Variants in CCDC77 observed in about 807,000 individuals in gnomAD.
The protein encoded by CCDC77 is coiled-coil domain containing 77, also known as coiled-coil domain-containing protein 77.
CCDC77 carries 56 observed loss-of-function variants against 66.8 expected under a neutral mutation model. The ratio of observed to expected loss-of-function variants is 0.84; its 90% CI spans 0.68 to 1.05. The LOEUF is 1.05. CCDC77 is among the 50% of genes least tolerant of loss of function. The pLI is 0.00. For synonymous variants in CCDC77, 196 were observed against 195.2 expected (o/e 1.00, Z -0.03); for missense variants, 570 against 576.8 (o/e 0.99, Z 0.12).
intron 5 of CCDC77, 107 bp from the exon 6 acceptor site, chr12:428,662 G>GT: frequency 1.6e-6 from 1 of 615,400 alleles, no homozygotes; most frequent in Non-Finnish European, 2.7e-6. Context: ...TTAATTTGGG[G>GT]TTACAATTGT....
At chr12:424,018 G>A (rs866293399) in intron 5 of CCDC77, among the ~76,000 whole-genome samples, 1 of 151,976 alleles carries the variant, frequency 6.6e-6, no homozygotes, top group Non-Finnish European at 1.5e-5. Flanking sequence ...TTGCTCTGTC[G>A]CCCAGGCAGT....
intron 5 of CCDC77, among the ~76,000 whole-genome samples, chr12:426,092 C>T (rs1471262683): frequency 6.6e-6 from 1 of 152,048 alleles, no homozygotes; most frequent in Non-Finnish European, 1.5e-5. Flanking sequence ...CTCGAACTCC[C>T]GACCTCGTGG....
At chr12:441,261 A>T (rs539146118) in intron 12 of CCDC77, among the ~76,000 whole-genome samples, 1 of 152,238 alleles carries the variant, frequency 6.6e-6, no homozygotes, top group African/African-American at 2.4e-5. Context: ...GAAGTAGATT[A>T]AAGAATCGTG....
intron 9 of CCDC77, 143 bp from the exon 10 acceptor site, chr12:438,192 G>C (rs1338470653): frequency 4.8e-6 from 3 of 621,534 alleles, no homozygotes; most frequent in Non-Finnish European, 8.3e-6. Context: ...CCAGTGATCA[G>C]ATTTTTAAAC....
chr12:408,792 G>A (rs1488424239), intron 2 of CCDC77, among the ~76,000 whole-genome samples: 1 of 152,166 alleles, frequency 6.6e-6, no homozygotes, highest in East Asian at 1.9e-4. Flanking sequence ...TTTCTACTTT[G>A]TGTGCTTATC....
At chr12:426,330 G>C (rs1341206056) in intron 5 of CCDC77, among the ~76,000 whole-genome samples, 1 of 152,160 alleles carries the variant, frequency 6.6e-6, no homozygotes, top group Non-Finnish European at 1.5e-5. Flanking sequence ...CCATGTGCCT[G>C]AGACTAAGTA....
chr12:392,781 T>C (rs1944773700), intron 1 of CCDC77, among the ~76,000 whole-genome samples: 1 of 152,232 alleles, frequency 6.6e-6, no homozygotes, highest in African/African-American at 2.4e-5. Flanking sequence ...CCAAAGTTCT[T>C]GTTTATATGC....
intron 4 of CCDC77, among the ~76,000 whole-genome samples, chr12:415,373 TCAACA>T (rs1945217044): frequency 5.7e-5 from 7 of 123,770 alleles, no homozygotes; most frequent in African/African-American, 1.9e-4. Context: ...GTTAATATAA[TCAACA>T]TAATATTATG....
intron 1 of CCDC77, among the ~76,000 whole-genome samples, chr12:393,821 T>TGA (rs1171794459): frequency 6.6e-6 from 1 of 152,172 alleles, no homozygotes; most frequent in African/African-American, 2.4e-5. Flanking sequence ...CGTGAGCCAC[T>TGA]GCGTCCAGCC....
chr12:416,375 G>A (rs867643231), intron 4 of CCDC77, among the ~76,000 whole-genome samples: 2,777 of 19,668 alleles, frequency 0.14, 216 homozygotes, highest in South Asian at 0.25. Context: ...GTGTGTGTGT[G>A]TGTATATATA....
chr12:441,466 G>A (rs1352900762), intron 12 of CCDC77, among the ~76,000 whole-genome samples: 1 of 152,192 alleles, frequency 6.6e-6, no homozygotes, highest in Non-Finnish European at 1.5e-5. Context: ...TACCAGTAGT[G>A]TTGCGCTTTC....
At chr12:397,541 G>A (rs892540328), upstream of CCDC77, among the ~76,000 whole-genome samples, 3 of 151,994 alleles carry the variant, frequency 2.0e-5, no homozygotes, top group African/African-American at 4.8e-5. Flanking sequence ...CGAAATTTTC[G>A]GTTTCCTGGT....
intron 2 of CCDC77, 123 bp downstream of exon 2, chr12:405,687 C>A (rs758936514): frequency 3.9e-5 from 6 of 152,014 alleles, no homozygotes; most frequent in Non-Finnish European, 8.8e-5. Context: ...ATTTTTAAAT[C>A]TAGATTGAAT....
upstream of CCDC77, among the ~76,000 whole-genome samples, chr12:400,730 C>T (rs1384549189): frequency 6.6e-6 from 1 of 152,118 alleles, no homozygotes; most frequent in Non-Finnish European, 1.5e-5. Flanking sequence ...GATAACAGAT[C>T]AGCATAACAT....
rs141825507 is a variant in CCDC77 at position 434,541 on chromosome 12, G to A, written c.821+1219G>A. ...CTAATTTTGTATATTTAGTAGAGAC[G>A]GGGTGTCACTGTGTTAGCCAGGCTG... On this transcript the variant is annotated intron_variant, in intron 9 of 12. Transcript: ENST00000239830. 2.7e-3 allele frequency among the ~76,000 whole-genome samples: 417 copies of A among 152,008 alleles called. 3 individuals carry two copies. Among genetic ancestry groups the A allele is most frequent in the African/African-American group, 9.8e-3 (407 of 41,468 alleles).
In CCDC77 at chr12:411,791, C is replaced by T. The variant is rs765311307; in HGVS notation, c.83C>T (p.Thr28Ile). ...CGTGGTGTTGCCGTCAGTGGTCCCA[C>T]CAAGAGGAGGGGAATGGCAGATTCA... The part of the protein sequence containing the change: ...SKRGVAVSGP[T>I]KRRGMADSLE... Residue 28 changes from threonine to isoleucine, a missense_variant, in exon 4 of 13, where the codon ACC becomes ATC. By Grantham distance (89) the Thr-to-Ile change is moderately conservative. Coordinates refer to ENST00000239830, the MANE Select transcript of CCDC77 (RefSeq NM_032358.4). 6.2e-7 allele frequency: 1 copy of T among 1,613,988 alleles called. No homozygotes were observed. Among genetic ancestry groups the T allele is most frequent in the Non-Finnish European group, 8.5e-7 (1 of 1,180,018 alleles).
chr12:423,471 T>TTTTTG (rs1945458545), intron 5 of CCDC77, among the ~76,000 whole-genome samples: 1 of 53,374 alleles, frequency 1.9e-5, no homozygotes, highest in African/African-American at 1.1e-4. Flanking sequence ...GTTTTTTGTG[T>TTTTTG]TTTTTGTGTT....
At chr12:433,351 G>A (rs768901990) in intron 9 of CCDC77, 29 bp downstream of exon 9, 30 of 1,609,420 alleles carry the variant, frequency 1.9e-5, no homozygotes, top group South Asian at 9.9e-5. Flanking sequence ...TGTACCTAAC[G>A]GGTATTGTAT....
rs144918182 is a variant in CCDC77 at position 393,924 on chromosome 12, G to A, written c.-113+4438G>A. 7.2e-3 allele frequency among the ~76,000 whole-genome samples: 1,099 copies of A among 152,072 alleles called. 7 individuals carry two copies. The highest frequency in any genetic ancestry group is 0.012 in the Non-Finnish European group (803 of 68,012). ...AAAATACTGGTTCACTGAGTTATAC[G>A]GCTTTTCCTAATGTTGACATGTATT... On this transcript the variant is annotated intron_variant, in intron 1 of 11. Transcript: ENST00000422000.
Sources: allele counts gnomAD v4.1 joint callset (sites outside exome capture counted in the v4.1 genomes callset), GRCh38; gene constraint gnomAD v4.1.1; transcripts MANE v1.5; gene names NCBI Gene and HGNC (gene_info 2026-07-23, HGNC 2026-07-21).